Variants in FOCAD observed in about 807,000 individuals in gnomAD.
FOCAD encodes focadhesin.
In FOCAD, 198 loss-of-function variants were observed where a neutral mutation model predicts 225.6. That is an observed-to-expected ratio of 0.88 (90% CI 0.78 to 0.99). FOCAD has a LOEUF of 0.99. FOCAD is among the 50% of genes least tolerant of loss of function. The probability of loss-of-function intolerance (pLI) is 0.00; values close to 1 mark genes in which losing one functional copy is unlikely to be tolerated. For missense variants in FOCAD, 2,713 were observed against 2,123.6 expected, an observed-to-expected ratio of 1.28 and a Z score of -5.46; for synonymous variants, 897 against 755.0, an observed-to-expected ratio of 1.19 and a Z score of -3.08.
chr9:20,687,817 A>C (rs776160321), intron 1 of FOCAD, among the ~76,000 whole-genome samples: 13 of 152,242 alleles, frequency 8.5e-5, no homozygotes, highest in Non-Finnish European at 1.6e-4. Context: ...ACCAAAATAC[A>C]ATGGGATAAA....
intron 6 of FOCAD, among the ~76,000 whole-genome samples, chr9:20,759,292 C>T (rs1829350053): frequency 6.6e-6 from 1 of 152,176 alleles, no homozygotes. Flanking sequence ...GGAGGCATCA[C>T]ACTACCTGAC....
chr9:20,740,369 A>G, intron 5 of FOCAD, 29 bp downstream of exon 5: 1 of 1,215,070 alleles, frequency 8.2e-7, no homozygotes, highest in Non-Finnish European at 1.2e-6. Flanking sequence ...TTTTTTTTAA[A>G]CAAATATGAA....
At chr9:20,719,283 A>G (rs533995591) in intron 3 of FOCAD, among the ~76,000 whole-genome samples, 1 of 152,196 alleles carries the variant, frequency 6.6e-6, no homozygotes, top group South Asian at 2.1e-4. Flanking sequence ...GGGTTTCACC[A>G]TGTTGGCCAG....
intron 21 of FOCAD, among the ~76,000 whole-genome samples, chr9:20,898,356 A>G (rs1832278581): frequency 6.6e-6 from 1 of 150,998 alleles, no homozygotes. Context: ...TGGAATTCCT[A>G]TTATGTGTAT....
chr9:20,981,380 C>G (rs763055701), intron 37 of FOCAD, 46 bp from the exon 38 acceptor site: 13 of 1,596,088 alleles, frequency 8.1e-6, no homozygotes, highest in East Asian at 2.2e-5. Context: ...ACATTGCAAA[C>G]CCAGACTTGC....
intron 11 of FOCAD, among the ~76,000 whole-genome samples, chr9:20,795,923 C>T (rs1194106650): frequency 6.6e-6 from 1 of 151,660 alleles, no homozygotes; most frequent in Admixed American, 6.6e-5. Context: ...AATAACGCGT[C>T]ATTTAACATT....
At chr9:20,918,678 C>T (rs1834085851) in intron 24 of FOCAD, among the ~76,000 whole-genome samples, 1 of 151,550 alleles carries the variant, frequency 6.6e-6, no homozygotes, top group Non-Finnish European at 1.5e-5. Flanking sequence ...GAGCAGAGAT[C>T]CCGCCACTGC....
intron 21 of FOCAD, among the ~76,000 whole-genome samples, chr9:20,898,236 G>C (rs1832267875): frequency 6.6e-6 from 1 of 151,504 alleles, no homozygotes; most frequent in Admixed American, 6.6e-5. Flanking sequence ...TATCCTACCT[G>C]GTGTTGTCTG....
At chr9:20,721,884 C>A (rs183553178) in intron 4 of FOCAD, among the ~76,000 whole-genome samples, 1 of 14,940 alleles carries the variant, frequency 6.7e-5, no homozygotes, top group Non-Finnish European at 1.0e-4. Flanking sequence ...CCTCCCCTCC[C>A]CTTCCTCCCC....
At chr9:20,949,753 C>T (rs1298073051) in intron 33 of FOCAD, 78 bp downstream of exon 33, 31 of 1,192,902 alleles carry the variant, frequency 2.6e-5, no homozygotes, top group Non-Finnish European at 3.8e-5. Flanking sequence ...CATGATACAA[C>T]ATGTTTTACC....
rs1386397580 is a variant in FOCAD at position 20,695,338 on chromosome 9, A to T, written c.-33+11045A>T. ...CAAGTGGGATCATCCTGATCCCTCT[A>T]ATATAAAGTTCCCTATCTTCCTTTA... On this transcript the variant is annotated intron_variant, in intron 1 of 43. Transcript: ENST00000338382. Among the ~76,000 whole-genome samples, 9 of 152,320 alleles carry T rather than the reference A, an allele frequency of 5.9e-5. No homozygotes were observed. The East Asian group carries it at 1.7e-3, about 29-fold the overall frequency.
chr9:20,821,102 A>T (rs750712415), intron 14 of FOCAD, 31 bp downstream of exon 14: 2 of 1,588,676 alleles, frequency 1.3e-6, no homozygotes, highest in South Asian at 2.3e-5. Context: ...AGGAATGTAT[A>T]TCATGATATA....
At chr9:20,664,233 T>C (rs1821829075) in intron 2 of FOCAD, among the ~76,000 whole-genome samples, 1 of 151,176 alleles carries the variant, frequency 6.6e-6, no homozygotes, top group African/African-American at 2.4e-5. Flanking sequence ...TAGTTTATAG[T>C]ATTAAATTTA....
intron 22 of FOCAD, among the ~76,000 whole-genome samples, chr9:20,910,562 TG>T (rs1221262353): frequency 6.6e-6 from 1 of 152,076 alleles, no homozygotes; most frequent in Non-Finnish European, 1.5e-5. Flanking sequence ...CAAGTTCTTA[TG>T]GTACAGGCTA....
intron 4 of FOCAD, among the ~76,000 whole-genome samples, chr9:20,739,698 G>C (rs1827447723): frequency 6.6e-6 from 1 of 151,522 alleles, no homozygotes. Flanking sequence ...CTTTATTTAA[G>C]AAAGGCAGCC....
intron 11 of FOCAD, among the ~76,000 whole-genome samples, chr9:20,817,469 A>G (rs1587286206): frequency 6.6e-6 from 1 of 151,628 alleles, no homozygotes; most frequent in South Asian, 2.1e-4. Flanking sequence ...TTTTTCTCTT[A>G]CCATAATGTT....
intron 15 of FOCAD, among the ~76,000 whole-genome samples, chr9:20,834,247 G>A (rs1024329008): frequency 1.3e-4 from 19 of 151,960 alleles, no homozygotes; most frequent in African/African-American, 3.6e-4. Flanking sequence ...GGAGCTGAAC[G>A]ATGAGAACAT....
intron 28 of FOCAD, among the ~76,000 whole-genome samples, chr9:20,935,031 A>C (rs1835826457): frequency 6.6e-6 from 1 of 152,204 alleles, no homozygotes; most frequent in Non-Finnish European, 1.5e-5. Context: ...ATATTGTGAT[A>C]ATTACCATAG....
At chr9:20,933,861 G>A (rs1835709427) in intron 28 of FOCAD, among the ~76,000 whole-genome samples, 2 of 151,586 alleles carry the variant, frequency 1.3e-5, no homozygotes, top group South Asian at 2.1e-4. Context: ...TGTTCACCGC[G>A]TCCACACCAA....
Sources: gnomAD v4.1 joint callset for allele counts (sites outside exome capture counted in the v4.1 genomes callset) on GRCh38, gnomAD v4.1.1 for gene constraint, MANE v1.5 for transcripts, NCBI Gene and HGNC (gene_info 2026-07-23, HGNC 2026-07-21) for gene names.